CNTN3: variants seen among roughly 807,000 people sequenced by gnomAD.
The protein encoded by CNTN3 is contactin 3.
A neutral mutation model predicts 119.1 loss-of-function variants in CNTN3; 60 were observed. That is an observed-to-expected ratio of 0.50 (90% confidence interval 0.41 to 0.62). CNTN3 has a LOEUF of 0.62. Ranked by LOEUF, CNTN3 falls within the 20% of genes least tolerant of loss-of-function variation. The probability of loss-of-function intolerance (pLI) is 0.00; values close to 1 mark genes in which losing one functional copy is unlikely to be tolerated. For synonymous variants in CNTN3, 450 were observed against 438.7 expected (o/e 1.03, Z -0.32); for missense variants, 1,101 against 1,242.4 (o/e 0.89, Z 1.71).
chr3:74,281,995 A>G (rs1702023019), intron 20 of CNTN3, among the ~76,000 whole-genome samples: 1 of 152,238 alleles, frequency 6.6e-6, no homozygotes, highest in Non-Finnish European at 1.5e-5. Context: ...AACTCAACAT[A>G]AAATTCTCAA....
At chr3:74,286,820 A>G (rs1399516658) in intron 19 of CNTN3, among the ~76,000 whole-genome samples, 1 of 152,164 alleles carries the variant, frequency 6.6e-6, no homozygotes, top group Non-Finnish European at 1.5e-5. Flanking sequence ...CACCTGAGAG[A>G]TACAGGCTAT....
chr3:74,289,552 T>C (rs1003213065), intron 19 of CNTN3, among the ~76,000 whole-genome samples: 1 of 152,064 alleles, frequency 6.6e-6, no homozygotes, highest in Non-Finnish European at 1.5e-5. Context: ...CTGGTTTGCT[T>C]TTTTTTTCTT....
intron 3 of CNTN3, among the ~76,000 whole-genome samples, chr3:74,494,125 C>T (rs1703015989): frequency 6.6e-6 from 1 of 151,952 alleles, no homozygotes; most frequent in Non-Finnish European, 1.5e-5. Context: ...GGTAGCAGCT[C>T]CTCTATTCTC....
At chr3:74,289,802 A>G (rs1400045947) in intron 19 of CNTN3, among the ~76,000 whole-genome samples, 1 of 152,178 alleles carries the variant, frequency 6.6e-6, no homozygotes. Flanking sequence ...TATTTTTTGC[A>G]TGCCTCCTGT....
At chr3:74,457,209 T>C (rs1702286224) in intron 4 of CNTN3, among the ~76,000 whole-genome samples, 1 of 152,032 alleles carries the variant, frequency 6.6e-6, no homozygotes. Flanking sequence ...GAAATCACCA[T>C]TTAGTGTAAG....
At chr3:74,494,987 T>A (rs1219188937) in intron 3 of CNTN3, among the ~76,000 whole-genome samples, 1 of 152,084 alleles carries the variant, frequency 6.6e-6, no homozygotes, top group African/African-American at 2.4e-5. Context: ...CAAGTTTAAG[T>A]TGCCCAGTAA....
intron 11 of CNTN3, among the ~76,000 whole-genome samples, chr3:74,355,088 T>C (rs1703905935): frequency 6.6e-6 from 1 of 152,104 alleles, no homozygotes; most frequent in Non-Finnish European, 1.5e-5. Context: ...ATCCAGTTGG[T>C]TTTTCAGTAG....
intron 11 of CNTN3, among the ~76,000 whole-genome samples, chr3:74,355,568 C>T (rs1330231466): frequency 1.3e-5 from 2 of 152,016 alleles, no homozygotes; most frequent in Non-Finnish European, 2.9e-5. Flanking sequence ...AATTCTCATG[C>T]CTCAGTCTCC....
At chr3:74,371,460 C>T (rs146178125) in intron 5 of CNTN3, 61 bp from the exon 6 acceptor site, 2 of 1,244,482 alleles carry the variant, frequency 1.6e-6, no homozygotes, top group East Asian at 2.3e-5. Context: ...TCCATTGTGT[C>T]CTTAATGTAT....
intron 11 of CNTN3, among the ~76,000 whole-genome samples, chr3:74,347,781 C>T (rs569856058): frequency 2.0e-5 from 3 of 152,278 alleles, no homozygotes; most frequent in South Asian, 4.1e-4. Context: ...AACCCTCTTG[C>T]CCCACTAAAT....
At chr3:74,456,242 GA>G (rs56052617) in intron 4 of CNTN3, among the ~76,000 whole-genome samples, 30,143 of 150,036 alleles carry the variant, frequency 0.2, 3,096 homozygotes, top group Admixed American at 0.26. Flanking sequence ...GCTATCTACT[GA>G]AAAAAAAAGA....
chr3:74,287,600 T>C (rs557937428), intron 19 of CNTN3, among the ~76,000 whole-genome samples: 5 of 152,316 alleles, frequency 3.3e-5, no homozygotes, highest in African/African-American at 1.2e-4. Context: ...AAAGGTCTTT[T>C]AGGAAGACAA....
chr3:74,272,028 T>A (rs1470635979), intron 20 of CNTN3, among the ~76,000 whole-genome samples: 2 of 152,172 alleles, frequency 1.3e-5, no homozygotes, highest in East Asian at 3.8e-4. Flanking sequence ...CTCCTTTGCA[T>A]AATAAAAATA....
intron 2 of CNTN3, among the ~76,000 whole-genome samples, chr3:74,517,855 C>T (rs1433746465): frequency 1.3e-5 from 2 of 151,938 alleles, no homozygotes; most frequent in Non-Finnish European, 2.9e-5. Flanking sequence ...TCCTGATCTC[C>T]TGCAATGATA....
chr3:74,613,212 G>A (rs960188851), intron 1 of CNTN3, among the ~76,000 whole-genome samples: 3 of 149,416 alleles, frequency 2.0e-5, no homozygotes, highest in African/African-American at 4.9e-5. Flanking sequence ...TTTTCAGCTA[G>A]TGTGATATTC....
chr3:74,522,314 T>G (rs1322115971), intron 1 of CNTN3, among the ~76,000 whole-genome samples: 1 of 151,894 alleles, frequency 6.6e-6, no homozygotes, highest in African/African-American at 2.4e-5. Context: ...TAGGCATCAC[T>G]CCCTCTAGGT....
intron 4 of CNTN3, among the ~76,000 whole-genome samples, chr3:74,442,713 A>G (rs6792914): frequency 0.056 from 8,483 of 152,228 alleles, 793 homozygotes; most frequent in African/African-American, 0.19. Flanking sequence ...CAGCAACTAT[A>G]ATAATAGCTC....
chr3:74,428,402 T>C (rs887478088), intron 4 of CNTN3, among the ~76,000 whole-genome samples: 1 of 152,114 alleles, frequency 6.6e-6, no homozygotes, highest in African/African-American at 2.4e-5. Context: ...TGGCATAAGA[T>C]GTGGAGGTGG....
intron 3 of CNTN3, among the ~76,000 whole-genome samples, chr3:74,488,093 G>A (rs553113906): frequency 2.3e-4 from 35 of 150,664 alleles, no homozygotes; most frequent in African/African-American, 8.3e-4. Flanking sequence ...TATTTTAAAA[G>A]GTATGAAAAT....
Sources: gnomAD v4.1 joint callset for allele counts (sites outside exome capture counted in the v4.1 genomes callset) on GRCh38, gnomAD v4.1.1 for gene constraint, MANE v1.5 for transcripts, NCBI Gene and HGNC (gene_info 2026-07-23, HGNC 2026-07-21) for gene names.